ZNF618: variants seen among roughly 807,000 people sequenced by gnomAD.
ZNF618 encodes the protein neural precursor cell expressed, developmentally down-regulated 10.
ZNF618 carries 34 observed loss-of-function variants against 103.0 expected under a neutral mutation model. The observed-to-expected ratio is 0.33, with a 90% CI of 0.25 to 0.44. The LOEUF (loss-of-function observed/expected upper bound fraction) is 0.44, where lower values mean the gene tolerates loss of function less well. Ranked by LOEUF, ZNF618 falls within the 20% of genes least tolerant of loss-of-function variation. The pLI is 1.00. For missense variants in ZNF618, 1,059 were observed against 1,295.4 expected (o/e 0.82, Z 2.80); for synonymous variants, 551 against 542.2 (o/e 1.02, Z -0.23).
intron 10 of ZNF618, among the ~76,000 whole-genome samples, chr9:114,020,571 A>C (rs1229114044): frequency 6.6e-6 from 1 of 152,108 alleles, no homozygotes; most frequent in Non-Finnish European, 1.5e-5. Flanking sequence ...TTGTGACACT[A>C]CCATGACTTT....
At chr9:113,889,317 ATCTCTC>A (rs10627696) in intron 1 of ZNF618, among the ~76,000 whole-genome samples, 42 of 139,256 alleles carry the variant, frequency 3.0e-4, no homozygotes, top group African/African-American at 4.7e-4. Flanking sequence ...CCCCGCTACC[ATCTCTC>A]TCTCTCTCTC....
rs147342665 is a variant in ZNF618, at chr9:114,043,699, A to G, written c.1247-4194A>G. ...AAAGTATTCCCTTTCCACCACATCCATGCCAACATCTATTATTTTTTGATT... is the reference window on the plus strand; with the variant it reads ...AAAGTATTCCCTTTCCACCACATCCGTGCCAACATCTATTATTTTTTGATT... On this transcript the variant is annotated intron_variant, in intron 13 of 14. Coordinates refer to ENST00000374126, the MANE Select transcript of ZNF618 (RefSeq NM_001318042.2). Among the ~76,000 whole-genome samples, 679 of 152,302 alleles carry G rather than the reference A, an allele frequency of 4.5e-3. 8 individuals carry two copies. The highest frequency in any genetic ancestry group is 0.043 in the East Asian group (221 of 5,178).
At chr9:113,949,542 ACT>A (rs779530930) in intron 1 of ZNF618, among the ~76,000 whole-genome samples, 2 of 151,886 alleles carry the variant, frequency 1.3e-5, no homozygotes, top group African/African-American at 4.8e-5. Flanking sequence ...CCTCAGTCAG[ACT>A]CTTTCCCTGG....
At chr9:113,885,870 A>G (rs997975525) in intron 1 of ZNF618, among the ~76,000 whole-genome samples, 9 of 152,224 alleles carry the variant, frequency 5.9e-5, no homozygotes, top group Non-Finnish European at 8.8e-5. Flanking sequence ...AAAAAGTGAT[A>G]TAAATATTTT....
intron 2 of ZNF618, among the ~76,000 whole-genome samples, chr9:113,976,883 C>A (rs1020847622): frequency 6.6e-6 from 1 of 152,178 alleles, no homozygotes; most frequent in African/African-American, 2.4e-5. Context: ...CACTTTACAT[C>A]CATCCATCCT....
At chr9:113,998,190 C>A in intron 3 of ZNF618, 69 bp from the exon 4 acceptor site, 1 of 1,414,770 alleles carries the variant, frequency 7.1e-7, no homozygotes, top group Non-Finnish European at 9.7e-7. Context: ...CAGCCAACTT[C>A]GCCCCTTCCC....
At chr9:113,954,369 T>A (rs1836051786) in intron 1 of ZNF618, among the ~76,000 whole-genome samples, 1 of 152,172 alleles carries the variant, frequency 6.6e-6, no homozygotes, top group South Asian at 2.1e-4. Context: ...GAGTTTTCCG[T>A]ACTTCTCTCA....
chr9:113,982,997 C>G (rs771474282), intron 2 of ZNF618, among the ~76,000 whole-genome samples: 1 of 152,070 alleles, frequency 6.6e-6, no homozygotes, highest in African/African-American at 2.4e-5. Context: ...AAGTGTGACT[C>G]GGGTTAAATA....
At chr9:113,885,209 C>T (rs1828951499) in intron 1 of ZNF618, among the ~76,000 whole-genome samples, 1 of 152,110 alleles carries the variant, frequency 6.6e-6, no homozygotes, top group Admixed American at 6.5e-5. Flanking sequence ...GGATGATGAC[C>T]TGGGTTTGGG....
At chr9:114,042,427 C>T (rs1054928932) in intron 13 of ZNF618, among the ~76,000 whole-genome samples, 2 of 152,130 alleles carry the variant, frequency 1.3e-5, no homozygotes, top group Non-Finnish European at 2.9e-5. Flanking sequence ...AATCCCAACA[C>T]TTTGGGAAGC....
intron 1 of ZNF618, among the ~76,000 whole-genome samples, chr9:113,940,544 A>G (rs896363585): frequency 7.0e-6 from 1 of 143,812 alleles, no homozygotes; most frequent in African/African-American, 2.5e-5. Context: ...ATGACTATAT[A>G]TCTTTTTGTT....
At chr9:113,962,500 TC>T (rs1245694503) in intron 1 of ZNF618, among the ~76,000 whole-genome samples, 1 of 152,230 alleles carries the variant, frequency 6.6e-6, no homozygotes, top group East Asian at 1.9e-4. Flanking sequence ...CCAAGGCTCT[TC>T]GGTGGCCTGC....
intron 1 of ZNF618, among the ~76,000 whole-genome samples, chr9:113,939,798 C>T (rs1834388327): frequency 6.6e-6 from 1 of 152,014 alleles, no homozygotes; most frequent in Admixed American, 6.5e-5. Flanking sequence ...CCCTCTGATT[C>T]CGTAGTCATA....
At chr9:113,987,355 A>G (rs1279497693) in intron 2 of ZNF618, among the ~76,000 whole-genome samples, 1 of 152,180 alleles carries the variant, frequency 6.6e-6, no homozygotes, top group African/African-American at 2.4e-5. Context: ...GCTCTGCTTT[A>G]GTCCTTAGTG....
At chr9:113,951,515 G>GCGTGCACA (rs1564207704) in intron 1 of ZNF618, among the ~76,000 whole-genome samples, 1 of 36,752 alleles carries the variant, frequency 2.7e-5, no homozygotes, top group Non-Finnish European at 6.3e-5. Context: ...ATATATGTGT[G>GCGTGCACA]TATATGTACA....
chr9:113,973,177 A>G (rs1003360071), intron 2 of ZNF618, among the ~76,000 whole-genome samples: 2 of 152,190 alleles, frequency 1.3e-5, no homozygotes, highest in African/African-American at 4.8e-5. Flanking sequence ...CACTTTGTAG[A>G]GCATTAGAGC....
At chr9:113,975,910 C>T (rs1838423317) in intron 2 of ZNF618, among the ~76,000 whole-genome samples, 2 of 152,104 alleles carry the variant, frequency 1.3e-5, no homozygotes, top group Admixed American at 1.3e-4. Flanking sequence ...AATATTCTCA[C>T]CCTACCAAAA....
intron 1 of ZNF618, among the ~76,000 whole-genome samples, chr9:113,922,155 A>G (rs1008029868): frequency 1.3e-5 from 2 of 152,236 alleles, no homozygotes; most frequent in African/African-American, 4.8e-5. Flanking sequence ...GATCCTGGGG[A>G]TAAACCAGGG....
intron 2 of ZNF618, among the ~76,000 whole-genome samples, chr9:113,978,668 G>T (rs1367277816): frequency 6.6e-6 from 1 of 152,172 alleles, no homozygotes; most frequent in South Asian, 2.1e-4. Context: ...TTTCTCTTGA[G>T]AAGAGAAAAC....
Sources: allele counts gnomAD v4.1 joint callset (sites outside exome capture counted in the v4.1 genomes callset), GRCh38; gene constraint gnomAD v4.1.1; transcripts MANE v1.5; gene names NCBI Gene and HGNC (gene_info 2026-07-23, HGNC 2026-07-21).